The following MGST1 variants were observed in gnomAD, a reference collection of about 807,000 sequenced individuals.
MGST1 encodes microsomal glutathione S-transferase 1.
In MGST1, 5 loss-of-function variants were observed where a neutral mutation model predicts 8.9. The ratio of observed to expected loss-of-function variants is 0.56; its 90% confidence interval spans 0.29 to 1.19. The LOEUF (loss-of-function observed/expected upper bound fraction) is 1.19, where lower values mean the gene tolerates loss of function less well. MGST1 is among the 50% of genes most tolerant of loss of function. MGST1 has a pLI of 0.08. For missense variants in MGST1, 182 were observed against 187.4 expected, an observed-to-expected ratio of 0.97 and a Z score of 0.17; for synonymous variants, 54 against 67.8, an observed-to-expected ratio of 0.80 and a Z score of 1.00.
At chr12:16,573,828 C>T (rs1319312188) in intron 4 of MGST1, 2 of 152,106 alleles carry the variant, frequency 1.3e-5, no homozygotes, top group Admixed American at 6.5e-5. Context: ...CGTTAAGTGT[C>T]GAAATCAAGC....
Position 16,445,999 on chromosome 12 carries a change from G to A in MGST1, n.482+62395G>A, listed in dbSNP as rs188404321. Among the ~76,000 whole-genome samples the A allele has an allele frequency of 1.8e-4, 27 of 151,994 alleles. No individual in the cohort carries two copies. In the East Asian group the frequency reaches 3.7e-3, roughly 21 times the overall value. On this transcript the variant is annotated intron_variant and non_coding_transcript_variant, in intron 4 of 4. Coordinates refer to the MGST1 transcript ENST00000538857. ...AATAATGTGAAAGTTACTCTAATTG[G>A]CATGTATGTCAAAACCAATTACACA...
chr12:16,450,583 A>C lies in MGST1; in HGVS notation n.482+66979A>C, dbSNP rs1042182397. Among the ~76,000 whole-genome samples the C allele has an allele frequency of 2.6e-5, 4 of 151,934 alleles. 1 individual carries two copies. The South Asian group carries it at 8.3e-4, about 32-fold the overall frequency. On this transcript the variant is annotated intron_variant and non_coding_transcript_variant, in intron 4 of 4. Coordinates refer to the MGST1 transcript ENST00000538857. Reference sequence around the variant, plus strand: ...ATACTGTAACAGGCTTGCAAAATCCAACTCAGAATCGCACTAGTGTATTAA... The same window carrying C: ...ATACTGTAACAGGCTTGCAAAATCCCACTCAGAATCGCACTAGTGTATTAA...
Position 16,357,632 on chromosome 12 carries a change from G to C in MGST1, c.154G>C (p.Ala52Pro). 1 of 1,613,836 alleles carries C rather than the reference G, an allele frequency of 6.2e-7. No homozygotes were observed. Among genetic ancestry groups the C allele is most frequent in the Non-Finnish European group, 8.5e-7 (1 of 1,179,878 alleles). ...KVFANPEDCV[A>P]FGKGENAKKY... Reference sequence around the variant, plus strand: ...TTTTGCCAATCCAGAAGACTGTGTAGCATTTGGCAAAGGAGAAAATGCCAA... The same window carrying C: ...TTTTGCCAATCCAGAAGACTGTGTACCATTTGGCAAAGGAGAAAATGCCAA... Residue 52 changes from alanine (A) to proline (P), a missense_variant, in exon 3 of 4, where the codon GCA (alanine) becomes CCA (proline). Ala to Pro is a conservative substitution (Grantham distance 27). Coordinates refer to ENST00000396210, the MANE Select transcript of MGST1 (RefSeq NM_020300.5).
intron 1 of MGST1, among the ~76,000 whole-genome samples, chr12:16,411,146 C>T (rs568023324): frequency 1.3e-5 from 2 of 152,258 alleles, no homozygotes; most frequent in Non-Finnish European, 2.9e-5. Flanking sequence ...GGGCACTTTT[C>T]GCAGCTGTAA....
intron 4 of MGST1, among the ~76,000 whole-genome samples, chr12:16,525,725 T>G (rs1287012501): frequency 6.7e-6 from 1 of 149,422 alleles, no homozygotes; most frequent in African/African-American, 2.5e-5. Context: ...CCACACTGAC[T>G]TCCACAATGG....
At chr12:16,496,296 T>G (rs187509808) in intron 4 of MGST1, among the ~76,000 whole-genome samples, 84 of 152,222 alleles carry the variant, frequency 5.5e-4, no homozygotes, top group African/African-American at 1.9e-3. Context: ...GTTGGCAGCA[T>G]GTATTACACA....
At chr12:16,463,633 C>T (rs1217668177) in intron 4 of MGST1, among the ~76,000 whole-genome samples, 1 of 150,370 alleles carries the variant, frequency 6.7e-6, no homozygotes, top group African/African-American at 2.5e-5. Context: ...ATCAGTGAGG[C>T]AGAGTTTTTT....
chr12:16,423,523 C>T (rs1356963691), intron 1 of MGST1, among the ~76,000 whole-genome samples: 1 of 140,900 alleles, frequency 7.1e-6, no homozygotes, highest in Non-Finnish European at 1.6e-5. Flanking sequence ...AAAAACAATT[C>T]TCTGATATTT....
At chr12:16,529,809 A>T (rs1258057541) in intron 4 of MGST1, among the ~76,000 whole-genome samples, 1 of 152,132 alleles carries the variant, frequency 6.6e-6, no homozygotes, top group Non-Finnish European at 1.5e-5. Context: ...TTGTAAATTC[A>T]TGCTGATTTT....
chr12:16,589,625 T>C (rs1220428723), downstream of MGST1: 2 of 152,132 alleles, frequency 1.3e-5, no homozygotes, highest in Non-Finnish European at 2.9e-5. The surrounding 1 kb of genome is among the most constrained non-coding windows in gnomAD (Gnocchi z 4.2). Context: ...GTGGTTTGTT[T>C]AATAACTATC....
intron 4 of MGST1, among the ~76,000 whole-genome samples, chr12:16,562,800 A>C (rs776318391): frequency 6.6e-6 from 1 of 152,190 alleles, no homozygotes; most frequent in Non-Finnish European, 1.5e-5. Flanking sequence ...TGTTGCATCT[A>C]AACAAAGTCC....
At chr12:16,402,693 T>C (rs1940667793) in intron 1 of MGST1, among the ~76,000 whole-genome samples, 1 of 152,058 alleles carries the variant, frequency 6.6e-6, no homozygotes, top group African/African-American at 2.4e-5. Flanking sequence ...CTTTTGTTTT[T>C]CCATTTACTT....
At chr12:16,435,970 GT>G (rs893171558) in intron 1 of MGST1, among the ~76,000 whole-genome samples, 18 of 139,226 alleles carry the variant, frequency 1.3e-4, no homozygotes, top group African/African-American at 4.9e-4. Context: ...TTTTAAAGAA[GT>G]TATTTCCACC....
chr12:16,372,322 TAACTC>T (rs1409108551), intron 3 of MGST1, among the ~76,000 whole-genome samples: 2 of 151,938 alleles, frequency 1.3e-5, no homozygotes, highest in Non-Finnish European at 1.5e-5. Context: ...GAAGCTCAAA[TAACTC>T]AATAGCCAAA....
rs577037199 is a variant in MGST1 at position 16,357,665 on chromosome 12, C to G, written c.187C>G (p.Leu63Val). ...FGKGENAKKY[L>V]RTDDRVERVR... ...CAAAGGAGAAAATGCCAAGAAGTAT[C>G]TTCGAACAGATGACAGAGTAGAACG... Residue 63 changes from leucine to valine, a missense_variant, in exon 3 of 4, where the codon CTT becomes GTT. Physicochemically the swap from Leu to Val is conservative, Grantham distance 32. Transcript: ENST00000396210. The G allele has an allele frequency of 4.3e-6, 7 of 1,613,876 alleles. No homozygotes were observed. The Admixed American group carries it at 8.3e-5, about 19-fold the overall frequency.
chr12:16,456,970 C>A (rs1349152197), intron 4 of MGST1, among the ~76,000 whole-genome samples: 1 of 151,916 alleles, frequency 6.6e-6, no homozygotes, highest in Non-Finnish European at 1.5e-5. Flanking sequence ...TTACTCTGTT[C>A]CTTCCAGTCC....
chr12:16,522,569 T>C (rs1357717874), intron 4 of MGST1, among the ~76,000 whole-genome samples: 3 of 152,094 alleles, frequency 2.0e-5, no homozygotes, highest in Admixed American at 2.0e-4. Context: ...AGCAGCTTCA[T>C]CTATTCTTCC....
intron 4 of MGST1, among the ~76,000 whole-genome samples, chr12:16,489,410 A>G (rs1027530213): frequency 6.6e-6 from 1 of 152,146 alleles, no homozygotes; most frequent in Admixed American, 6.6e-5. Context: ...GGGAGCCCTC[A>G]TGATTGATAG....
intron 3 of MGST1, among the ~76,000 whole-genome samples, chr12:16,374,378 T>C (rs1940347192): frequency 6.6e-6 from 1 of 152,126 alleles, no homozygotes; most frequent in African/African-American, 2.4e-5. Flanking sequence ...TTATTGCTGT[T>C]TTATGGAGAG....
Sources: allele counts gnomAD v4.1 joint callset (sites outside exome capture counted in the v4.1 genomes callset), GRCh38; gene constraint gnomAD v4.1.1; non-coding constraint Gnocchi (gnomAD v3.1); transcripts MANE v1.5; gene names NCBI Gene and HGNC (gene_info 2026-07-23, HGNC 2026-07-21).